Variants in PTCHD4 observed in about 807,000 individuals in gnomAD.
PTCHD4 encodes the protein patched domain-containing protein 4.
A neutral mutation model predicts 58.1 loss-of-function variants in PTCHD4; 33 were observed. The observed-to-expected ratio is 0.57, with a 90% CI of 0.43 to 0.76. The LOEUF is 0.76. Among genes scored for constraint, PTCHD4 ranks in the 30% least tolerant of loss-of-function variants. The probability of loss-of-function intolerance (pLI) is 0.00; values close to 1 mark genes in which losing one functional copy is unlikely to be tolerated. For synonymous variants in PTCHD4, 478 were observed against 409.6 expected (o/e 1.17, Z -2.02); for missense variants, 1,058 against 1,027.1 (o/e 1.03, Z -0.41).
intron 1 of PTCHD4, among the ~76,000 whole-genome samples, chr6:48,102,862 C>G (rs1765637014): frequency 6.6e-6 from 1 of 152,204 alleles, no homozygotes; most frequent in Non-Finnish European, 1.5e-5. Context: ...ATTGCTAGCA[C>G]AGCAGTCTGA....
Position 47,957,588 on chromosome 6 carries a change from T to TTTTTA in PTCHD4, c.898+51045_898+51046insTAAAA, listed in dbSNP as rs1561977635. Among the ~76,000 whole-genome samples, 436 of 151,004 alleles carry TTTTTA rather than the reference T, an allele frequency of 2.9e-3. 4 individuals are homozygous for TTTTTA. Among genetic ancestry groups the TTTTTA allele is most frequent in the African/African-American group, 8.7e-3 (360 of 41,312 alleles). Reference sequence around the variant, plus strand: ...TACAAGACAAGTTTTTTTTTTTATTTTTTTTATTTTTATTTTTATTTTTTT... The same window carrying TTTTTA: ...TACAAGACAAGTTTTTTTTTTTATTTTTTTATTTTTATTTTTATTTTTATTTTTTT... On this transcript the variant is annotated intron_variant, in intron 4 of 4. Coordinates refer to ENST00000339488, the MANE Select transcript of PTCHD4 (RefSeq NM_001384253.1).
At position 47,879,240 on chromosome 6, in the gene PTCHD4, T is replaced by C. The variant is rs756926709; in HGVS notation, c.1595A>G (p.Gln532Arg). The C allele has an allele frequency of 3.1e-6, 5 of 1,612,930 alleles. No homozygotes were observed. The highest frequency in any genetic ancestry group is 1.7e-5 in the Admixed American group (1 of 59,824). ...ACTACAGAGTCTTCTTAGGTCATCC[T>C]GGACGCTGCTGTTCCAGTACTCTAG... ...EPLEYWNSSVQDDLRRLCSGF... is the reference protein window; with the variant it reads ...EPLEYWNSSVRDDLRRLCSGF... Residue 532 changes from glutamine to arginine, a missense_variant, in exon 5 of 5, where the codon CAG (glutamine) becomes CGG (arginine). Coordinates refer to ENST00000339488, the MANE Select transcript of PTCHD4 (RefSeq NM_001384253.1).
intron 4 of PTCHD4, among the ~76,000 whole-genome samples, chr6:48,000,575 C>T (rs1327808808): frequency 6.6e-6 from 1 of 152,154 alleles, no homozygotes; most frequent in African/African-American, 2.4e-5. Context: ...CTTTCACTTT[C>T]CACAAACCAA....
intron 3 of PTCHD4, among the ~76,000 whole-genome samples, chr6:48,038,313 C>A (rs148092198): frequency 5.9e-4 from 89 of 151,998 alleles, no homozygotes; most frequent in Middle Eastern, 3.4e-3. Flanking sequence ...TGGGGATGGG[C>A]AAATGTAATT....
chr6:47,900,565 T>C (rs1764664258), intron 4 of PTCHD4: 1 of 152,172 alleles, frequency 6.6e-6, no homozygotes, highest in Admixed American at 6.5e-5. Context: ...ATTCTGTGAG[T>C]TTGTTTTTCA....
chr6:47,936,770 A>G (rs1443346114), intron 4 of PTCHD4, among the ~76,000 whole-genome samples: 1 of 152,202 alleles, frequency 6.6e-6, no homozygotes, highest in Non-Finnish European at 1.5e-5. Context: ...AATACACACA[A>G]AAAAGGATAA....
At chr6:48,076,491 G>A (rs1056471526) in intron 1 of PTCHD4, among the ~76,000 whole-genome samples, 16 of 152,130 alleles carry the variant, frequency 1.1e-4, no homozygotes, top group African/African-American at 3.1e-4. Flanking sequence ...TGGCAGCTAA[G>A]GGCCTTACAA....
chr6:47,914,520 G>T (rs1025015432), intron 4 of PTCHD4, among the ~76,000 whole-genome samples: 1 of 151,902 alleles, frequency 6.6e-6, no homozygotes, highest in Non-Finnish European at 1.5e-5. Flanking sequence ...TTACACCATT[G>T]TCTCTCCTAG....
chr6:48,077,791 T>C (rs1765087991), intron 1 of PTCHD4, among the ~76,000 whole-genome samples: 1 of 152,148 alleles, frequency 6.6e-6, no homozygotes, highest in Non-Finnish European at 1.5e-5. Context: ...GAGCTGCTGG[T>C]TGGTGGAGCA....
chr6:47,984,904 T>C (rs1263987466), intron 4 of PTCHD4, among the ~76,000 whole-genome samples: 1 of 152,054 alleles, frequency 6.6e-6, no homozygotes, highest in African/African-American at 2.4e-5. Context: ...TTTATGTAAA[T>C]CTTGAAGACA....
In PTCHD4 at chr6:47,878,059, G is replaced by C. The variant is rs920367958; in HGVS notation, c.*244C>G. 3 of 370,984 alleles carry C rather than the reference G, an allele frequency of 8.1e-6. No homozygotes were observed. Among genetic ancestry groups the C allele is most frequent in the East Asian group, 4.3e-5 (1 of 23,256 alleles). 23.0% of individuals were successfully genotyped at this position (370,984 alleles called of 1,614,324 possible). ...ATTGATTCATCCATTCCTTGGAAGA[G>C]CTCTCAGATTACATCCAGAAACTTG... On this transcript the variant is annotated 3_prime_UTR_variant, in exon 5 of 5. Transcript: ENST00000339488.
chr6:47,894,405 G>T (rs1365499793), intron 4 of PTCHD4, among the ~76,000 whole-genome samples: 2 of 152,190 alleles, frequency 1.3e-5, no homozygotes, highest in African/African-American at 4.8e-5. Context: ...ACCAGCTCTG[G>T]TTTTTATGCC....
intron 4 of PTCHD4, among the ~76,000 whole-genome samples, chr6:47,884,238 A>G (rs904103046): frequency 6.6e-6 from 1 of 152,124 alleles, no homozygotes; most frequent in African/African-American, 2.4e-5. Flanking sequence ...TTACTCTTGC[A>G]ACTCTGTCCA....
Position 47,990,708 on chromosome 6 carries a change from G to A in PTCHD4, c.898+17926C>T, listed in dbSNP as rs367719686. Among the ~76,000 whole-genome samples the A allele has an allele frequency of 1.1e-3, 172 of 152,192 alleles. 1 individual carries two copies. The South Asian group carries it at 0.033, about 30-fold the overall frequency. On this transcript the variant is annotated intron_variant, in intron 4 of 4. Coordinates refer to ENST00000339488, the MANE Select transcript of PTCHD4 (RefSeq NM_001384253.1). ...CCCAGTCTCAGGTATGTCTTTATCA[G>A]CAGTATGAAAATGGACTAATACGTG...
intron 4 of PTCHD4, among the ~76,000 whole-genome samples, chr6:47,893,053 C>T (rs772876157): frequency 1.1e-4 from 17 of 152,186 alleles, no homozygotes; most frequent in Non-Finnish European, 2.4e-4. Flanking sequence ...GCTCTGTCAC[C>T]AGGGTGGAGT....
chr6:47,891,975 T>G (rs926540761), intron 4 of PTCHD4, among the ~76,000 whole-genome samples: 1 of 152,176 alleles, frequency 6.6e-6, no homozygotes, highest in Admixed American at 6.5e-5. Context: ...CCCAGAAGGA[T>G]TTGAATATCC....
intron 4 of PTCHD4, among the ~76,000 whole-genome samples, chr6:47,992,922 C>T (rs936626901): frequency 3.3e-5 from 5 of 152,138 alleles, no homozygotes; most frequent in Non-Finnish European, 5.9e-5. Flanking sequence ...TACAGATACT[C>T]AATGAGAAGG....
intron 4 of PTCHD4, among the ~76,000 whole-genome samples, chr6:48,000,393 C>A (rs1768676613): frequency 6.6e-6 from 1 of 152,160 alleles, no homozygotes; most frequent in African/African-American, 2.4e-5. Flanking sequence ...CTACTTAATT[C>A]TTCTACCCAG....
chr6:48,004,894 G>A (rs1762375613), intron 4 of PTCHD4, among the ~76,000 whole-genome samples: 1 of 152,088 alleles, frequency 6.6e-6, no homozygotes, highest in Non-Finnish European at 1.5e-5. Flanking sequence ...TCCAGCCTGG[G>A]TGACAGAGCG....
Sources: allele counts gnomAD v4.1 joint callset (sites outside exome capture counted in the v4.1 genomes callset), GRCh38; gene constraint gnomAD v4.1.1; transcripts MANE v1.5; gene names NCBI Gene and HGNC (gene_info 2026-07-23, HGNC 2026-07-21).